ATP11A: variants seen among roughly 807,000 people sequenced by gnomAD.
The protein encoded by ATP11A is phospholipid-transporting ATPase IH.
In ATP11A, 81 loss-of-function variants were observed where a neutral mutation model predicts 154.4. The ratio of observed to expected loss-of-function variants is 0.52; its 90% CI spans 0.44 to 0.63. The LOEUF (loss-of-function observed/expected upper bound fraction) is 0.63, where lower values mean the gene tolerates loss of function less well. ATP11A is among the 30% of genes least tolerant of loss of function. ATP11A has a pLI of 0.00. For missense variants in ATP11A, 1,316 were observed against 1,474.3 expected, an observed-to-expected ratio of 0.89 and a Z score of 1.76; for synonymous variants, 623 against 585.9, an observed-to-expected ratio of 1.06 and a Z score of -0.91.
chr13:112,762,279 G>A (rs1359243763), intron 1 of ATP11A, among the ~76,000 whole-genome samples: 1 of 152,160 alleles, frequency 6.6e-6, no homozygotes, highest in African/African-American at 2.4e-5. Context: ...TGTGGAGACT[G>A]TGGCATTTCT....
rs556332499 is a variant in ATP11A, at chr13:112,870,334, G to T, written c.2992-1401G>T. Among the ~76,000 whole-genome samples, 129 of 152,294 alleles carry T rather than the reference G, an allele frequency of 8.5e-4. 2 individuals are homozygous for T. Among genetic ancestry groups the T allele is most frequent in the African/African-American group, 3.0e-3 (124 of 41,560 alleles). On this transcript the variant is annotated intron_variant, in intron 25 of 29. Transcript: ENST00000375645. ...AGCTAAATCAAGGGGTATGGTGATG[G>T]GTGTGTTGTTTTGGTTGAAACTGAA... is the stretch of plus-strand genomic sequence containing the variant.
At chr13:112,834,117 C>T (rs1343573354) in intron 14 of ATP11A, among the ~76,000 whole-genome samples, 1 of 152,262 alleles carries the variant, frequency 6.6e-6, no homozygotes, top group Non-Finnish European at 1.5e-5. Context: ...TGGGTGCACC[C>T]ACGTGCTGGC....
chr13:112,854,933 G>A (rs779934338), intron 19 of ATP11A, among the ~76,000 whole-genome samples: 11 of 152,326 alleles, frequency 7.2e-5, no homozygotes, highest in African/African-American at 1.2e-4. Context: ...CGTCTAAGAC[G>A]AAGCAGTACA....
At chr13:112,788,181 TG>T (rs56860143) in intron 2 of ATP11A, among the ~76,000 whole-genome samples, 43,213 of 142,660 alleles carry the variant, frequency 0.3, 7,729 homozygotes, top group South Asian at 0.4. Flanking sequence ...TCACACCAAG[TG>T]TCCTGATGTG....
At chr13:112,773,150 T>C (rs2077265288) in intron 1 of ATP11A, among the ~76,000 whole-genome samples, 1 of 151,992 alleles carries the variant, frequency 6.6e-6, no homozygotes, top group Non-Finnish European at 1.5e-5. Context: ...CCCCAGAGGG[T>C]GCCATGAGGC....
At chr13:112,833,096 T>C in intron 14 of ATP11A, 73 bp downstream of exon 14, 1 of 1,552,026 alleles carries the variant, frequency 6.4e-7, no homozygotes, top group Non-Finnish European at 8.7e-7. Context: ...AGTCAGGGAT[T>C]TGCACCTAGA....
chr13:112,875,259 G>A lies in ATP11A; in HGVS notation c.3162-517G>A, dbSNP rs984889114. On this transcript the variant is annotated intron_variant, in intron 27 of 29. Coordinates refer to ENST00000375645, the MANE Select transcript of ATP11A (RefSeq NM_015205.3). The surrounding 1 kb of genome is among the most constrained non-coding windows in gnomAD (Gnocchi z 4.1). ...AGGCGATCAGGAAACGTTACCGGAA[G>A]GCACGTATAGACGTGGACCTGTGGG... 2.6e-5 allele frequency among the ~76,000 whole-genome samples: 4 copies of A among 152,202 alleles called. No homozygotes were observed. The highest frequency in any genetic ancestry group is 4.4e-5 in the Non-Finnish European group (3 of 68,030).
chr13:112,790,398 G>C (rs58631404), intron 2 of ATP11A, among the ~76,000 whole-genome samples: 2 of 149,476 alleles, frequency 1.3e-5, no homozygotes. Context: ...AATTCACACC[G>C]GGTGTCCTGA....
chr13:112,776,156 T>TA (rs2077344408), intron 1 of ATP11A, among the ~76,000 whole-genome samples: 1 of 152,224 alleles, frequency 6.6e-6, no homozygotes, highest in Non-Finnish European at 1.5e-5. Flanking sequence ...TGACATCTGT[T>TA]ACTCGTCCTC....
At chr13:112,724,726 TCTC>T (rs1024712097) in intron 1 of ATP11A, among the ~76,000 whole-genome samples, 2 of 151,178 alleles carry the variant, frequency 1.3e-5, no homozygotes, top group African/African-American at 4.9e-5. Context: ...CCATCTTGAG[TCTC>T]CTCATTAGCA....
In ATP11A at chr13:112,699,734, C is replaced by A. The variant is rs140185848; in HGVS notation, c.39+9279C>A. On this transcript the variant is annotated intron_variant, in intron 1 of 29. Transcript: ENST00000375645. ...CTTGTCTGCGTGTGCTTTGGCTGGA[C>A]GATGGTCTACACTGGGCCCCTGTGC... Among the ~76,000 whole-genome samples the A allele has an allele frequency of 3.4e-3, 522 of 152,302 alleles. 2 individuals carry two copies. Among genetic ancestry groups the A allele is most frequent in the African/African-American group, 0.012 (508 of 41,564 alleles).
At chr13:112,844,983 A>C (rs1204675636) in intron 17 of ATP11A, among the ~76,000 whole-genome samples, 3 of 151,868 alleles carry the variant, frequency 2.0e-5, no homozygotes, top group African/African-American at 7.3e-5. Flanking sequence ...GCCAGGTATC[A>C]GTGGTACTAA....
chr13:112,806,876 C>T (rs1369929805), intron 4 of ATP11A, among the ~76,000 whole-genome samples: 4 of 152,214 alleles, frequency 2.6e-5, no homozygotes, highest in African/African-American at 7.2e-5. Context: ...ACATTTCGTA[C>T]TCACGGCTCA....
At chr13:112,867,184 A>G (rs1377508141) in intron 25 of ATP11A, among the ~76,000 whole-genome samples, 2 of 152,122 alleles carry the variant, frequency 1.3e-5, no homozygotes, top group East Asian at 1.9e-4. Flanking sequence ...CACAAACACC[A>G]CCCTGGTTCA....
chr13:112,852,789 G>GT (rs1462167571), intron 18 of ATP11A, among the ~76,000 whole-genome samples: 1 of 147,294 alleles, frequency 6.8e-6, no homozygotes, highest in Non-Finnish European at 1.5e-5. Flanking sequence ...GGTTGGCGGG[G>GT]GGGGATCTCA....
chr13:112,864,024 G>A (rs1461265725), intron 25 of ATP11A, among the ~76,000 whole-genome samples: 1 of 57,986 alleles, frequency 1.7e-5, no homozygotes, highest in African/African-American at 6.7e-5. Context: ...AGTGCAGCAC[G>A]TGCAGCTTCT....
Position 112,779,009 on chromosome 13 carries a change from A to G in ATP11A, c.40-6126A>G, listed in dbSNP as rs4998919. 6.2e-3 allele frequency among the ~76,000 whole-genome samples: 504 copies of G among 81,042 alleles called. 20 individuals are homozygous for G. Among genetic ancestry groups the G allele is most frequent in the African/African-American group, 0.023 (453 of 19,416 alleles). 53.2% of individuals were successfully genotyped at this position (81,042 alleles called of 152,430 possible). On this transcript the variant is annotated intron_variant, in intron 1 of 29. Transcript: ENST00000375645. ...GTAGCCGCTGGAGTGAAGAGTAGCC[A>G]CTGGAGTGAGTAGCCGCTGGAGTGA...
chr13:112,874,602 A>G (rs115716095), intron 27 of ATP11A, among the ~76,000 whole-genome samples: 1,928 of 152,102 alleles, frequency 0.013, 40 homozygotes, highest in African/African-American at 0.042. Context: ...AAAGCCAGCA[A>G]CCCACTCAGG....
intron 1 of ATP11A, among the ~76,000 whole-genome samples, chr13:112,756,426 C>T (rs1207387412): frequency 3.3e-5 from 5 of 152,214 alleles, no homozygotes; most frequent in African/African-American, 1.2e-4. Flanking sequence ...CCTTCCAGTC[C>T]AGGAGAGGCA....
Sources: gnomAD v4.1 joint callset for allele counts (sites outside exome capture counted in the v4.1 genomes callset) on GRCh38, gnomAD v4.1.1 for gene constraint, Gnocchi (gnomAD v3.1) non-coding constraint, MANE v1.5 for transcripts, NCBI Gene and HGNC (gene_info 2026-07-23, HGNC 2026-07-21) for gene names.